Variants in CDH12 observed in about 807,000 individuals in gnomAD.
CDH12 encodes the protein cadherin-12.
A neutral mutation model predicts 74.1 loss-of-function variants in CDH12; 41 were observed. The observed-to-expected ratio is 0.55, with a 90% confidence interval of 0.43 to 0.72. The LOEUF (loss-of-function observed/expected upper bound fraction) is 0.72, where lower values mean the gene tolerates loss of function less well. CDH12 is among the 30% of genes least tolerant of loss of function. CDH12 has a pLI of 0.00. For synonymous variants in CDH12, 399 were observed against 355.0 expected, an observed-to-expected ratio of 1.12 and a Z score of -1.39; for missense variants, 945 against 977.2, an observed-to-expected ratio of 0.97 and a Z score of 0.44.
chr5:22,198,913 G>A (rs1430904150), intron 4 of CDH12, among the ~76,000 whole-genome samples: 3 of 129,684 alleles, frequency 2.3e-5, no homozygotes. Flanking sequence ...AGTAAAAAAA[G>A]CAGATAGGAA....
At chr5:22,034,204 T>G (rs1275261320) in intron 5 of CDH12, among the ~76,000 whole-genome samples, 3 of 152,156 alleles carry the variant, frequency 2.0e-5, no homozygotes, top group Non-Finnish European at 4.4e-5. Flanking sequence ...CTGGATAATT[T>G]TTATACCTTT....
chr5:22,716,468 T>C (rs1743583175), intron 1 of CDH12, among the ~76,000 whole-genome samples: 1 of 152,132 alleles, frequency 6.6e-6, no homozygotes, highest in Non-Finnish European at 1.5e-5. Flanking sequence ...AAATCTACTG[T>C]GCTGCCAGTC....
At chr5:22,844,390 G>A (rs1449772381) in intron 1 of CDH12, among the ~76,000 whole-genome samples, 5 of 152,008 alleles carry the variant, frequency 3.3e-5, no homozygotes, top group African/African-American at 9.7e-5. Flanking sequence ...TAACCTAAGT[G>A]AGCTTTCACT....
chr5:22,246,689 G>A (rs1057282123), intron 3 of CDH12, among the ~76,000 whole-genome samples: 7 of 152,114 alleles, frequency 4.6e-5, no homozygotes, highest in South Asian at 2.1e-4. Flanking sequence ...ATTCTCAACA[G>A]GGCTTCACAA....
chr5:22,466,781 T>A (rs1051462901), intron 2 of CDH12, among the ~76,000 whole-genome samples: 1 of 67,330 alleles, frequency 1.5e-5, no homozygotes, highest in South Asian at 5.4e-4. Flanking sequence ...GGAATCTTTT[T>A]TTTTTTTTTT....
chr5:22,349,087 C>G (rs1042884637), intron 3 of CDH12, among the ~76,000 whole-genome samples: 1 of 152,168 alleles, frequency 6.6e-6, no homozygotes, highest in African/African-American at 2.4e-5. Context: ...CTTGTCCCTT[C>G]ACCATATGAG....
chr5:22,632,247 C>A (rs1738621362), intron 1 of CDH12, among the ~76,000 whole-genome samples: 1 of 152,078 alleles, frequency 6.6e-6, no homozygotes, highest in Non-Finnish European at 1.5e-5. Context: ...CAGAATCATG[C>A]TTCCTATACA....
chr5:22,397,357 C>A (rs769821877), intron 3 of CDH12, among the ~76,000 whole-genome samples: 2 of 151,966 alleles, frequency 1.3e-5, no homozygotes, highest in Non-Finnish European at 2.9e-5. Flanking sequence ...TATAAGCCTA[C>A]TTAAGAACAT....
chr5:22,159,740 C>T (rs1748219557), intron 4 of CDH12, among the ~76,000 whole-genome samples: 1 of 152,088 alleles, frequency 6.6e-6, no homozygotes, highest in Admixed American at 6.6e-5. Context: ...TTTGTTACAG[C>T]GTTATCAACT....
intron 3 of CDH12, among the ~76,000 whole-genome samples, chr5:22,259,575 G>A (rs1440234340): frequency 6.6e-6 from 1 of 151,956 alleles, no homozygotes; most frequent in East Asian, 1.9e-4. Flanking sequence ...GTTTTAATTT[G>A]TTGTCCAATG....
intron 1 of CDH12, among the ~76,000 whole-genome samples, chr5:22,559,265 G>GA (rs1452973722): frequency 1.3e-5 from 2 of 151,812 alleles, no homozygotes; most frequent in Admixed American, 6.6e-5. Flanking sequence ...AAATCAAAGA[G>GA]AAAAAATGAA....
intron 2 of CDH12, among the ~76,000 whole-genome samples, chr5:22,497,543 T>G (rs1424322364): frequency 6.6e-6 from 1 of 151,448 alleles, no homozygotes; most frequent in African/African-American, 2.4e-5. Flanking sequence ...GCCTCTATAG[T>G]GCACTATCAA....
intron 3 of CDH12, among the ~76,000 whole-genome samples, chr5:22,215,127 T>C (rs1035977062): frequency 6.6e-6 from 1 of 152,180 alleles, no homozygotes; most frequent in Non-Finnish European, 1.5e-5. Context: ...TAAGCAGACA[T>C]TATAATATTT....
intron 5 of CDH12, among the ~76,000 whole-genome samples, chr5:22,028,198 C>T (rs937320005): frequency 1.3e-5 from 2 of 152,046 alleles, no homozygotes; most frequent in Non-Finnish European, 2.9e-5. Flanking sequence ...TGAGAAATGA[C>T]ACAAGACAGG....
intron 1 of CDH12, among the ~76,000 whole-genome samples, chr5:22,793,006 C>T (rs1407268361): frequency 3.3e-5 from 5 of 152,192 alleles, no homozygotes; most frequent in East Asian, 1.9e-4. Flanking sequence ...TTTGACCATG[C>T]ACCCCAAGGT....
At chr5:22,355,783 AC>A (rs944385504) in intron 3 of CDH12, among the ~76,000 whole-genome samples, 6 of 152,064 alleles carry the variant, frequency 3.9e-5, no homozygotes, top group African/African-American at 1.4e-4. Context: ...TAAACAACAA[AC>A]AAATTCCTGT....
chr5:22,714,400 T>C (rs980084898), intron 1 of CDH12, among the ~76,000 whole-genome samples: 2 of 152,212 alleles, frequency 1.3e-5, no homozygotes, highest in African/African-American at 4.8e-5. Context: ...CTAGTATAAC[T>C]CTTTTCATTT....
intron 3 of CDH12, among the ~76,000 whole-genome samples, chr5:22,350,003 T>A (rs1740292568): frequency 6.6e-6 from 1 of 152,236 alleles, no homozygotes. Flanking sequence ...GGCTTATTAC[T>A]TTCTGTAACA....
At chr5:22,097,045 C>T (rs1308171994) in intron 4 of CDH12, among the ~76,000 whole-genome samples, 1 of 152,176 alleles carries the variant, frequency 6.6e-6, no homozygotes, top group Non-Finnish European at 1.5e-5. Flanking sequence ...CTCCAGCACA[C>T]AAGGACTCCA....
Sources: gnomAD v4.1 joint callset for allele counts (sites outside exome capture counted in the v4.1 genomes callset) on GRCh38, gnomAD v4.1.1 for gene constraint, MANE v1.5 for transcripts, NCBI Gene and HGNC (gene_info 2026-07-23, HGNC 2026-07-21) for gene names.